Variants in CNBD1 observed in about 807,000 individuals in gnomAD.
CNBD1 encodes cyclic nucleotide binding domain containing 1, also known as cyclic nucleotide-binding domain-containing protein 1.
Under a neutral mutation model 54.4 loss-of-function variants are expected in CNBD1, and 71 were observed. That is an observed-to-expected ratio of 1.30 (90% CI 1.08 to 1.59). CNBD1 has a LOEUF of 1.59. CNBD1 is among the 40% of genes most tolerant of loss of function. The pLI is 0.00. For missense variants in CNBD1, 659 were observed against 518.0 expected (o/e 1.27, Z -2.64); for synonymous variants, 182 against 170.7 (o/e 1.07, Z -0.51).
Position 87,361,539 on chromosome 8 carries a change from A to G in CNBD1, c.1303+7753A>G, listed in dbSNP as rs959465476. ...TCAATGCTTACAAATATTGATATCT[A>G]ATGTTTATATAGTTTTAGGAAGGGA... On this transcript the variant is annotated intron_variant, in intron 10 of 10. Transcript: ENST00000518476. Among the ~76,000 whole-genome samples, 3 of 151,806 alleles carry G rather than the reference A, an allele frequency of 2.0e-5. No homozygotes were observed. In the East Asian group the frequency reaches 5.8e-4, roughly 29 times the overall value.
chr8:87,265,404 C>T (rs1054199385), intron 6 of CNBD1, among the ~76,000 whole-genome samples: 5 of 152,034 alleles, frequency 3.3e-5, no homozygotes, highest in Non-Finnish European at 5.9e-5. Context: ...GTTACTGTAG[C>T]CTTGTAGTGT....
intron 4 of CNBD1, among the ~76,000 whole-genome samples, chr8:87,033,645 T>A (rs908687300): frequency 1.3e-4 from 20 of 152,316 alleles, no homozygotes; most frequent in African/African-American, 4.8e-4. Flanking sequence ...TGCTCATTTA[T>A]CTTCCTTACT....
At chr8:87,359,006 T>C (rs1231656410) in intron 10 of CNBD1, among the ~76,000 whole-genome samples, 1 of 152,208 alleles carries the variant, frequency 6.6e-6, no homozygotes, top group Admixed American at 6.6e-5. Context: ...ATTCAAATGC[T>C]AATCTCTCTA....
chr8:87,160,899 G>T (rs1362675603), intron 4 of CNBD1, among the ~76,000 whole-genome samples: 2 of 152,044 alleles, frequency 1.3e-5, no homozygotes, highest in Non-Finnish European at 2.9e-5. Context: ...TACACATTTT[G>T]GAACTACAAC....
At chr8:87,051,433 GACAC>G (rs747999650) in intron 4 of CNBD1, among the ~76,000 whole-genome samples, 1 of 152,138 alleles carries the variant, frequency 6.6e-6, no homozygotes, top group African/African-American at 2.4e-5. Flanking sequence ...AGGAATTAAA[GACAC>G]ACACACAGAA....
intron 6 of CNBD1, among the ~76,000 whole-genome samples, chr8:87,283,492 C>T (rs1010352346): frequency 2.6e-5 from 4 of 151,962 alleles, no homozygotes; most frequent in Non-Finnish European, 5.9e-5. Context: ...TAATACCTTC[C>T]TGGATCCTAG....
At chr8:87,333,845 C>T (rs1401635869) in intron 8 of CNBD1, among the ~76,000 whole-genome samples, 3 of 151,806 alleles carry the variant, frequency 2.0e-5, no homozygotes, top group Non-Finnish European at 4.4e-5. Flanking sequence ...TTGTTGTGTT[C>T]CTGCCAGGTT....
chr8:87,391,713 T>C (rs900921882), intron 2 of CNBD1, among the ~76,000 whole-genome samples: 2 of 152,054 alleles, frequency 1.3e-5, no homozygotes, highest in African/African-American at 2.4e-5. Flanking sequence ...ATAGACTTAA[T>C]TGTAAGAACT....
In CNBD1 at chr8:87,113,089, G is replaced by A. The variant is rs114187356; in HGVS notation, c.432-92904G>A. Among the ~76,000 whole-genome samples, 752 of 152,240 alleles carry A rather than the reference G, an allele frequency of 4.9e-3. 13 individuals carry two copies. Among genetic ancestry groups the A allele is most frequent in the African/African-American group, 0.018 (727 of 41,540 alleles). On this transcript the variant is annotated intron_variant, in intron 4 of 10. Transcript: ENST00000518476. The stretch of plus-strand genomic sequence containing the variant: ...TCCAGAAGCAAAAGATCTGGGCATC[G>A]GTCAGTCATCAGCCAAGGGCAGCCC...
intron 4 of CNBD1, among the ~76,000 whole-genome samples, chr8:87,132,605 G>T (rs1812140996): frequency 6.8e-6 from 1 of 146,732 alleles, no homozygotes; most frequent in South Asian, 2.1e-4. Flanking sequence ...TATATATCAA[G>T]ATATATATTT....
intron 4 of CNBD1, among the ~76,000 whole-genome samples, chr8:87,078,530 T>C (rs1288360229): frequency 2.6e-5 from 4 of 152,170 alleles, no homozygotes; most frequent in African/African-American, 9.7e-5. Context: ...ATAAACATTA[T>C]TTGTTTGAGG....
At chr8:87,114,764 G>A (rs113765422) in intron 4 of CNBD1, among the ~76,000 whole-genome samples, 90 of 152,204 alleles carry the variant, frequency 5.9e-4, no homozygotes, top group African/African-American at 2.1e-3. Context: ...TTCTGAGGGC[G>A]TTTGCATTTA....
At chr8:87,380,137 A>T (rs1811044936) in intron 10 of CNBD1, among the ~76,000 whole-genome samples, 1 of 151,994 alleles carries the variant, frequency 6.6e-6, no homozygotes, top group Admixed American at 6.6e-5. Context: ...GTATTTATAT[A>T]ATTACCAGCT....
chr8:86,918,429 A>T (rs1300917627), intron 3 of CNBD1, among the ~76,000 whole-genome samples: 1 of 151,966 alleles, frequency 6.6e-6, no homozygotes, highest in African/African-American at 2.4e-5. Context: ...TGCTGATATG[A>T]TTTGGTTCTG....
At chr8:87,257,370 A>C (rs75346282) in intron 6 of CNBD1, among the ~76,000 whole-genome samples, 1 of 96,546 alleles carries the variant, frequency 1.0e-5, no homozygotes, top group Non-Finnish European at 2.0e-5. Context: ...ACTCTATCGC[A>C]AAAAAAAAAA....
At chr8:87,047,982 T>G (rs1810234106) in intron 4 of CNBD1, among the ~76,000 whole-genome samples, 1 of 152,198 alleles carries the variant, frequency 6.6e-6, no homozygotes. Context: ...TTCTTCACAT[T>G]GGTACCTGGG....
At chr8:87,316,006 T>A (rs1809376670) in intron 8 of CNBD1, among the ~76,000 whole-genome samples, 1 of 151,896 alleles carries the variant, frequency 6.6e-6, no homozygotes, top group African/African-American at 2.4e-5. Context: ...AATAAAAAAT[T>A]TAAAAATCAT....
intron 2 of CNBD1, among the ~76,000 whole-genome samples, chr8:87,402,879 G>A (rs1807592665): frequency 6.6e-6 from 1 of 152,016 alleles, no homozygotes; most frequent in African/African-American, 2.4e-5. Context: ...AATGTAGTTT[G>A]GGGAATAAAT....
At chr8:87,310,318 G>A (rs1809239772) in intron 8 of CNBD1, among the ~76,000 whole-genome samples, 1 of 152,062 alleles carries the variant, frequency 6.6e-6, no homozygotes, top group East Asian at 1.9e-4. Context: ...TCATGCCACT[G>A]CACTCCAGCC....
Sources: allele counts gnomAD v4.1 joint callset (sites outside exome capture counted in the v4.1 genomes callset), GRCh38; gene constraint gnomAD v4.1.1; transcripts MANE v1.5; gene names NCBI Gene and HGNC (gene_info 2026-07-23, HGNC 2026-07-21).